Variants in RANBP2 observed in about 807,000 individuals in gnomAD.
RANBP2 encodes the protein E3 SUMO-protein ligase RanBP2.
Under a neutral mutation model 303.6 loss-of-function variants are expected in RANBP2, and 57 were observed. That is an observed-to-expected ratio of 0.19 (90% CI 0.15 to 0.23). The LOEUF (loss-of-function observed/expected upper bound fraction) is 0.23, where lower values mean the gene tolerates loss of function less well. RANBP2 is among the 10% of genes least tolerant of loss of function. The probability of loss-of-function intolerance (pLI) is 1.00; values close to 1 mark genes in which losing one functional copy is unlikely to be tolerated. For missense variants in RANBP2, 3,138 were observed against 3,780.8 expected (o/e 0.83, Z 4.46); for synonymous variants, 1,167 against 1,301.5 (o/e 0.90, Z 2.23).
Position 108,736,138 on chromosome 2 carries a change from A to T in RANBP2, c.671A>T (p.Asp224Val), listed in dbSNP as rs1204487529. The T allele has an allele frequency of 1.2e-6, 2 of 1,611,946 alleles. No homozygotes were observed. Among genetic ancestry groups the T allele is most frequent in the African/African-American group, 2.7e-5 (2 of 74,964 alleles). Residue 224 changes from aspartate (D) to valine (V), a missense_variant, in exon 6 of 29, where the codon GAT becomes GTT. This residue lies in a region of RANBP2 where 306 missense variants were observed against 381.9 expected (regional missense o/e 0.80). Transcript: ENST00000283195. The part of the protein sequence containing the change: ...YLESLQCLES[D>V]KSDWRATNTD... ...GAGTCTTTACAGTGTTTGGAGTCTG[A>T]TAAAAGTGACTGGCGAGCAACCAAT...
the RANBP2 span, among the ~76,000 whole-genome samples, chr2:109,474,195 G>T: frequency 6.2e-4 from 94 of 152,304 alleles, 3 homozygotes; most frequent in South Asian, 0.018. Flanking sequence ...GTGTGGGCAG[G>T]TGTAAGCCAT....
intron 4 of RANBP2, among the ~76,000 whole-genome samples, chr2:108,734,347 G>A (rs1390116114): frequency 6.7e-6 from 1 of 149,226 alleles, no homozygotes; most frequent in African/African-American, 2.4e-5. Context: ...TGAAGTGTCA[G>A]AGTGGAGAAA....
At chr2:108,798,816 T>TACACACAC in the RANBP2 span, among the ~76,000 whole-genome samples, 5,553 of 131,530 alleles carry the variant, frequency 0.042, 205 homozygotes, top group East Asian at 0.14. Context: ...TCTCCACACC[T>TACACACAC]ACACACACAC....
At chr2:109,256,618 A>G in the RANBP2 span, among the ~76,000 whole-genome samples, 1 of 152,150 alleles carries the variant, frequency 6.6e-6, no homozygotes, top group Non-Finnish European at 1.5e-5. Flanking sequence ...GGATTTGCCA[A>G]TGGGATTGTG....
downstream of RANBP2, among the ~76,000 whole-genome samples, chr2:108,788,481 G>A (rs1679323468): frequency 6.6e-6 from 1 of 152,026 alleles, no homozygotes; most frequent in Non-Finnish European, 1.5e-5. Context: ...CACTTTGGGA[G>A]GCGAGGCGGG....
the RANBP2 span, chr2:108,897,070 A>G: frequency 6.2e-7 from 1 of 1,614,198 alleles, no homozygotes; most frequent in Non-Finnish European, 8.5e-7. Flanking sequence ...AAAGAGTTGC[A>G]TGCCGTCTGT....
chr2:109,109,312 T>C, the RANBP2 span, among the ~76,000 whole-genome samples: 1 of 152,260 alleles, frequency 6.6e-6, no homozygotes. Flanking sequence ...CCCAGGCACA[T>C]GATTCGGGCC....
the RANBP2 span, chr2:109,564,569 G>A: frequency 6.9e-7 from 1 of 1,444,714 alleles, no homozygotes; most frequent in Admixed American, 2.3e-5. Flanking sequence ...AACAACACTG[G>A]ATTTTAATTC....
chr2:109,087,419 G>C, the RANBP2 span, among the ~76,000 whole-genome samples: 1 of 152,146 alleles, frequency 6.6e-6, no homozygotes, highest in Non-Finnish European at 1.5e-5. Context: ...GCGCCTGAGG[G>C]TGAGATCACC....
chr2:109,512,000 C>T, the RANBP2 span, among the ~76,000 whole-genome samples: 1 of 152,154 alleles, frequency 6.6e-6, no homozygotes, highest in Non-Finnish European at 1.5e-5. Flanking sequence ...CTGGGACTCC[C>T]AAGTGGGAGT....
the RANBP2 span, chr2:109,564,483 C>G: frequency 2.5e-6 from 4 of 1,576,152 alleles, no homozygotes; most frequent in East Asian, 9.1e-5. Flanking sequence ...CATATTTGTA[C>G]AAATGAGCAT....
At chr2:109,337,727 A>G in the RANBP2 span, among the ~76,000 whole-genome samples, 1 of 151,194 alleles carries the variant, frequency 6.6e-6, no homozygotes, top group East Asian at 2.0e-4. Context: ...TTGTTTTGCT[A>G]AGGTCCCCCT....
the RANBP2 span, among the ~76,000 whole-genome samples, chr2:108,939,678 T>C: frequency 6.6e-6 from 1 of 152,224 alleles, no homozygotes; most frequent in Non-Finnish European, 1.5e-5. Context: ...CAGCAATAGA[T>C]GAATGAGTTA....
chr2:109,063,975 T>C, the RANBP2 span, among the ~76,000 whole-genome samples: 1 of 152,128 alleles, frequency 6.6e-6, no homozygotes, highest in Non-Finnish European at 1.5e-5. Flanking sequence ...CTGCCACAGG[T>C]CCAGCCATCA....
At chr2:108,722,530 T>C (rs1308229019) in intron 1 of RANBP2, among the ~76,000 whole-genome samples, 1 of 151,450 alleles carries the variant, frequency 6.6e-6, no homozygotes, top group Non-Finnish European at 1.5e-5. Context: ...TGTCGGAGTT[T>C]TGGAGTGTGA....
the RANBP2 span, among the ~76,000 whole-genome samples, chr2:109,144,973 C>G: frequency 1.3e-5 from 2 of 152,248 alleles, no homozygotes; most frequent in African/African-American, 2.4e-5. Flanking sequence ...GCAGCGGGCT[C>G]ACACCCGGCT....
the RANBP2 span, chr2:109,615,692 C>T: frequency 1.1e-5 from 17 of 1,613,824 alleles, no homozygotes; most frequent in Non-Finnish European, 1.4e-5. Flanking sequence ...ACGAGGGTGA[C>T]GGGGAAAGCG....
the RANBP2 span, among the ~76,000 whole-genome samples, chr2:109,311,299 A>C: frequency 4.8e-5 from 4 of 82,542 alleles, no homozygotes; most frequent in South Asian, 1.9e-3. Flanking sequence ...ACAACCCTTC[A>C]TGCTAAAAAC....
At chr2:109,318,510 C>T in the RANBP2 span, among the ~76,000 whole-genome samples, 4 of 152,188 alleles carry the variant, frequency 2.6e-5, no homozygotes, top group Admixed American at 1.3e-4. Flanking sequence ...ATCATTTTGG[C>T]GACCGTGGGA....
Sources: allele counts gnomAD v4.1 joint callset (sites outside exome capture counted in the v4.1 genomes callset), GRCh38; gene constraint gnomAD v4.1.1; regional missense constraint gnomAD v4.1.1; transcripts MANE v1.5; gene names NCBI Gene and HGNC (gene_info 2026-07-23, HGNC 2026-07-21).